TMEM253: variants seen among roughly 807,000 people sequenced by gnomAD.
TMEM253 encodes transmembrane protein 253.
Under a neutral mutation model 20.3 loss-of-function variants are expected in TMEM253, and 22 were observed. That is an observed-to-expected ratio of 1.08 (90% CI 0.78 to 1.55). TMEM253 has a LOEUF of 1.55. TMEM253 is among the 40% of genes most tolerant of loss of function. The probability of loss-of-function intolerance (pLI) is 0.00; values close to 1 mark genes in which losing one functional copy is unlikely to be tolerated. For missense variants in TMEM253, 251 were observed against 266.1 expected (o/e 0.94, Z 0.39); for synonymous variants, 92 against 102.6 (o/e 0.90, Z 0.62).
At chr14:21,099,363 G>A (rs1889500304), upstream of TMEM253, among the ~76,000 whole-genome samples, 2 of 152,272 alleles carry the variant, frequency 1.3e-5, no homozygotes, top group Admixed American at 1.3e-4. Flanking sequence ...TGCAGGCTCG[G>A]GGATCCTCAG....
upstream of TMEM253, among the ~76,000 whole-genome samples, chr14:21,100,462 G>C (rs1162514850): frequency 1.3e-5 from 2 of 152,004 alleles, no homozygotes; most frequent in Non-Finnish European, 2.9e-5. Context: ...TGGCTATGAG[G>C]CACCTTCTCT....
chr14:21,099,038 C>T, upstream of TMEM253: 1 of 288,368 alleles, frequency 3.5e-6, no homozygotes, highest in Non-Finnish European at 6.6e-6. Context: ...GCCTTCCTCT[C>T]GAATTCTATT....
chr14:21,101,798 G>A (rs1052699431), intron 2 of TMEM253, 67 bp from the exon 3 acceptor site: 14 of 1,274,960 alleles, frequency 1.1e-5, no homozygotes, highest in Non-Finnish European at 1.5e-5. Context: ...CTCTAAAGAG[G>A]TAGGAGTTAC....
chr14:21,103,080 G>C, intron 6 of TMEM253, 59 bp from the exon 7 acceptor site: 10 of 1,550,824 alleles, frequency 6.4e-6, no homozygotes, highest in South Asian at 1.2e-5. Flanking sequence ...AGTTGTTTCT[G>C]TCTGGGGTTT....
At chr14:21,103,519 C>G in exon 7 of TMEM253, 1 of 475,490 alleles carries the variant, frequency 2.1e-6, no homozygotes, top group South Asian at 2.5e-5. Context: ...TTTGCCTCAT[C>G]GCACTTTTCT....
chr14:21,100,057 A>G (rs935395672), upstream of TMEM253, among the ~76,000 whole-genome samples: 30 of 152,160 alleles, frequency 2.0e-4, no homozygotes, highest in African/African-American at 7.0e-4. Flanking sequence ...TGAGGTGCGA[A>G]TAGGTAGAAA....
chr14:21,101,712 C>A, intron 2 of TMEM253, 153 bp from the exon 3 acceptor site: 1 of 683,082 alleles, frequency 1.5e-6, no homozygotes, highest in Non-Finnish European at 2.4e-6. Context: ...TTAAATGATA[C>A]TTAATTTTTA....
At chr14:21,103,522 ACTTTT>A (rs1889783968) in exon 7 of TMEM253, 2 of 467,326 alleles carry the variant, frequency 4.3e-6, no homozygotes, top group South Asian at 2.5e-5. Flanking sequence ...GCCTCATCGC[ACTTTT>A]CTTTTCTGTC....
At chr14:21,101,370 G>C in exon 2 of TMEM253, 1 of 1,551,690 alleles carries the variant, frequency 6.4e-7, no homozygotes, top group African/African-American at 1.4e-5. Context: ...GTGAGCAAGA[G>C]CAGGAGAGAC....
intron 2 of TMEM253, chr14:21,101,662 T>A: frequency 1.6e-6 from 1 of 643,512 alleles, no homozygotes; most frequent in South Asian, 2.0e-5. Context: ...GGGGAAAACA[T>A]ACAGGTAAGT....
chr14:21,102,923 G>A, intron 6 of TMEM253, 144 bp downstream of exon 6: 1 of 1,378,438 alleles, frequency 7.3e-7, no homozygotes, highest in South Asian at 1.5e-5. Flanking sequence ...GGCTTTCTCT[G>A]GCTTTGAACA....
At chr14:21,102,288 C>A in intron 4 of TMEM253, 117 bp from the exon 5 acceptor site, 4 of 1,419,728 alleles carry the variant, frequency 2.8e-6, no homozygotes, top group Non-Finnish European at 3.8e-6. Context: ...GGGCTTATGG[C>A]CCTGTTTGGA....
intron 2 of TMEM253, 57 bp from the exon 3 acceptor site, chr14:21,101,808 C>T (rs896764539): frequency 1.5e-5 from 21 of 1,397,896 alleles, no homozygotes; most frequent in African/African-American, 1.0e-4. Context: ...GTAGGAGTTA[C>T]GAGAAGGGAG....
chr14:21,102,960 A>G (rs12432043), intron 6 of TMEM253, 179 bp from the exon 7 acceptor site: 792,833 of 1,337,828 alleles, frequency 0.59, 237,246 homozygotes, highest in Middle Eastern at 0.62. Flanking sequence ...GGGTAAGAGG[A>G]AACTGGGAAT....
intron 6 of TMEM253, 94 bp downstream of exon 6, chr14:21,102,873 G>T: frequency 6.8e-7 from 1 of 1,478,070 alleles, no homozygotes; most frequent in East Asian, 2.5e-5. Context: ...AAAATAATGG[G>T]GCAGGAGAGA....
intron 4 of TMEM253, 88 bp from the exon 5 acceptor site, chr14:21,102,317 G>A: frequency 6.7e-7 from 1 of 1,487,960 alleles, no homozygotes; most frequent in Admixed American, 2.0e-5. Flanking sequence ...AGCAGAAGCT[G>A]AGTTTTGTCT....
intron 5 of TMEM253, 28 bp from the exon 6 acceptor site, chr14:21,102,605 C>T (rs1889715993): frequency 6.4e-7 from 1 of 1,551,018 alleles, no homozygotes; most frequent in African/African-American, 1.4e-5. Context: ...TGCGGGGTCC[C>T]TGCATTCTCA....
chr14:21,100,203 A>C (rs1412128639), upstream of TMEM253, among the ~76,000 whole-genome samples: 1 of 152,082 alleles, frequency 6.6e-6, no homozygotes, highest in East Asian at 1.9e-4. Flanking sequence ...CTGTCTCTAC[A>C]AAAAATTTAA....
chr14:21,102,227 G>A (rs1291502491), intron 4 of TMEM253, 107 bp downstream of exon 4: 2 of 1,430,934 alleles, frequency 1.4e-6, no homozygotes, highest in Non-Finnish European at 1.9e-6. Context: ...TCTCTCAGCT[G>A]TCACCACTGA....
Sources: gnomAD v4.1 joint callset for allele counts (sites outside exome capture counted in the v4.1 genomes callset) on GRCh38, gnomAD v4.1.1 for gene constraint, MANE v1.5 for transcripts, NCBI Gene and HGNC (gene_info 2026-07-23, HGNC 2026-07-21) for gene names.